Variants in PHIP observed in about 807,000 individuals in gnomAD.
The protein encoded by PHIP is PHIP subunit of CUL4-Ring ligase complex, also known as PH-interacting protein.
In PHIP, 54 loss-of-function variants were observed where a neutral mutation model predicts 236.8. That is an observed-to-expected ratio of 0.23 (90% CI 0.18 to 0.29). The LOEUF (loss-of-function observed/expected upper bound fraction) is 0.29. Ranked by LOEUF, PHIP falls within the 10% of genes least tolerant of loss-of-function variation. PHIP has a pLI of 1.00. For synonymous variants in PHIP, 756 were observed against 718.9 expected (o/e 1.05, Z -0.83); for missense variants, 1,370 against 2,190.8 (o/e 0.63, Z 7.48).
rs375348185 is a variant in PHIP, at chr6:79,059,398, A to G, written c.439+1080T>C. Among the ~76,000 whole-genome samples the G allele has an allele frequency of 7.9e-5, 12 of 151,806 alleles. No homozygotes were observed. The East Asian group carries it at 1.9e-3, about 24-fold the overall frequency. On this transcript the variant is annotated intron_variant, in intron 6 of 39. Transcript: ENST00000275034. ...ACCAGAAAGAGAAAAAATCTTAAAA[A>G]CAATTAGAGAAAAAGGGATTGCCTT...
At chr6:79,051,063 T>A (rs901630862) in intron 6 of PHIP, among the ~76,000 whole-genome samples, 4 of 152,236 alleles carry the variant, frequency 2.6e-5, no homozygotes, top group African/African-American at 7.2e-5. Flanking sequence ...TAAGGAGGAA[T>A]GTTTAATTCA....
intron 15 of PHIP, among the ~76,000 whole-genome samples, chr6:79,005,112 A>T (rs903404406): frequency 9.2e-5 from 14 of 152,048 alleles, no homozygotes; most frequent in African/African-American, 3.4e-4. Flanking sequence ...ATAACTTTTT[A>T]AAAAATGTAA....
At chr6:79,069,014 A>T (rs1380523690) in intron 4 of PHIP, among the ~76,000 whole-genome samples, 2 of 151,786 alleles carry the variant, frequency 1.3e-5, no homozygotes, top group Non-Finnish European at 2.9e-5. Context: ...CTATTCTCTC[A>T]CAGTTTTGTC....
At chr6:79,047,607 T>C (rs540024063) in intron 6 of PHIP, among the ~76,000 whole-genome samples, 3 of 152,298 alleles carry the variant, frequency 2.0e-5, no homozygotes, top group African/African-American at 7.2e-5. Flanking sequence ...TTACTCGTTC[T>C]AAACTTTAAT....
chr6:79,052,041 A>C (rs1455672222), intron 6 of PHIP, among the ~76,000 whole-genome samples: 1 of 152,138 alleles, frequency 6.6e-6, no homozygotes, highest in Non-Finnish European at 1.5e-5. Context: ...CATGGTACTT[A>C]CCCTCATGGA....
intron 24 of PHIP, among the ~76,000 whole-genome samples, chr6:78,974,296 A>G (rs563821842): frequency 0.011 from 1,747 of 152,118 alleles, 41 homozygotes; most frequent in African/African-American, 0.04. Flanking sequence ...TAATGAAATG[A>G]AGGCAGAAAT....
intron 15 of PHIP, among the ~76,000 whole-genome samples, chr6:79,012,340 AGCTGTAGGTGGAATG>A (rs1250566660): frequency 1.3e-5 from 2 of 151,746 alleles, no homozygotes; most frequent in African/African-American, 4.8e-5. Flanking sequence ...CTTATTTTCT[AGCTGTAGGTGGAATG>A]GTGAGTTTAC....
chr6:79,066,581 A>G (rs1773634136), intron 4 of PHIP, among the ~76,000 whole-genome samples: 1 of 152,176 alleles, frequency 6.6e-6, no homozygotes, highest in Non-Finnish European at 1.5e-5. Flanking sequence ...AATAGTTTTC[A>G]ACAGACATTA....
chr6:79,047,507 A>T (rs533619396), intron 6 of PHIP, among the ~76,000 whole-genome samples: 9 of 152,330 alleles, frequency 5.9e-5, no homozygotes, highest in Admixed American at 4.6e-4. Context: ...ACAGCATTTT[A>T]ACAGCTATGT....
chr6:79,034,745 A>T (rs1388142908), intron 7 of PHIP, among the ~76,000 whole-genome samples: 1 of 152,216 alleles, frequency 6.6e-6, no homozygotes, highest in African/African-American at 2.4e-5. Flanking sequence ...ACTATGAAGT[A>T]GACAATTAGA....
At chr6:79,065,174 T>C (rs1262861137) in intron 4 of PHIP, among the ~76,000 whole-genome samples, 1 of 152,232 alleles carries the variant, frequency 6.6e-6, no homozygotes, top group East Asian at 1.9e-4. Flanking sequence ...AATAAATGCA[T>C]ACCTTTCCCA....
At chr6:79,013,307 A>C (rs1192665014) in intron 15 of PHIP, among the ~76,000 whole-genome samples, 1 of 151,664 alleles carries the variant, frequency 6.6e-6, no homozygotes, top group Non-Finnish European at 1.5e-5. Flanking sequence ...AGGGTGGCTC[A>C]CTTTCTGTTT....
rs1327805450 is a variant in PHIP, at chr6:79,003,725, T to C, written c.1653+5A>G. The C allele has an allele frequency of 1.3e-6, 2 of 1,596,550 alleles. No individual in the cohort carries two copies. Among genetic ancestry groups the C allele is most frequent in the East Asian group, 4.5e-5 (2 of 44,452 alleles). ...AGGACATGATATATAGTCATCATAC[T>C]CTACCTTGTCATATTTGCTACTGGA... On this transcript the variant is annotated splice_donor_5th_base_variant and intron_variant, in intron 16 of 39. Coordinates refer to ENST00000275034, the MANE Select transcript of PHIP (RefSeq NM_017934.7).
chr6:78,950,317 C>T (rs1582090797), intron 35 of PHIP, among the ~76,000 whole-genome samples: 1 of 152,252 alleles, frequency 6.6e-6, no homozygotes, highest in Middle Eastern at 3.4e-3. Flanking sequence ...TTCTTCTTTT[C>T]TACTCTTATT....
intron 20 of PHIP, among the ~76,000 whole-genome samples, chr6:78,989,403 C>A (rs1392529080): frequency 6.6e-6 from 1 of 152,142 alleles, no homozygotes; most frequent in Non-Finnish European, 1.5e-5. Context: ...GCCTGGGTAA[C>A]ACAATGAGAC....
At chr6:79,013,857 A>G (rs1227630088) in intron 15 of PHIP, among the ~76,000 whole-genome samples, 4 of 151,708 alleles carry the variant, frequency 2.6e-5, no homozygotes, top group African/African-American at 9.7e-5. Context: ...CTATAAAGAC[A>G]GATTGAGAAA....
At chr6:79,026,909 T>C (rs747747915) in intron 7 of PHIP, among the ~76,000 whole-genome samples, 5 of 151,874 alleles carry the variant, frequency 3.3e-5, no homozygotes, top group Non-Finnish European at 5.9e-5. Context: ...CCCATATATC[T>C]ACTTCCCAGA....
chr6:79,005,336 T>C (rs914966951), intron 15 of PHIP, among the ~76,000 whole-genome samples: 4 of 151,830 alleles, frequency 2.6e-5, no homozygotes, highest in African/African-American at 7.3e-5. Context: ...CAGATTACCA[T>C]AAGGGCACCA....
At chr6:79,065,934 T>A (rs1245863570) in intron 4 of PHIP, among the ~76,000 whole-genome samples, 1 of 152,082 alleles carries the variant, frequency 6.6e-6, no homozygotes, top group African/African-American at 2.4e-5. Flanking sequence ...TATACATATG[T>A]GATTTTCAGT....
Sources: gnomAD v4.1 joint callset for allele counts (sites outside exome capture counted in the v4.1 genomes callset) on GRCh38, gnomAD v4.1.1 for gene constraint, MANE v1.5 for transcripts, NCBI Gene and HGNC (gene_info 2026-07-23, HGNC 2026-07-21) for gene names.